Variants in AKNA observed in about 807,000 individuals in gnomAD.
The protein encoded by AKNA is AT-hook transcription factor, also known as microtubule organization protein AKNA.
AKNA carries 67 observed loss-of-function variants against 138.8 expected under a neutral mutation model. That is an observed-to-expected ratio of 0.48 (90% CI 0.40 to 0.59). The LOEUF (loss-of-function observed/expected upper bound fraction) is 0.59, where lower values mean the gene tolerates loss of function less well. AKNA is among the 20% of genes least tolerant of loss of function. AKNA has a pLI of 0.00. For missense variants in AKNA, 1,813 were observed against 1,880.4 expected (o/e 0.96, Z 0.66); for synonymous variants, 737 against 754.4 (o/e 0.98, Z 0.38).
intron 1 of AKNA, among the ~76,000 whole-genome samples, chr9:114,386,629 C>G (rs1589039933): frequency 6.6e-6 from 1 of 152,152 alleles, no homozygotes; most frequent in African/African-American, 2.4e-5. Context: ...AAGGAAGTAG[C>G]AGCCACTGCA....
intron 14 of AKNA, among the ~76,000 whole-genome samples, chr9:114,354,325 C>T (rs1210233697): frequency 1.3e-5 from 2 of 152,142 alleles, no homozygotes; most frequent in Non-Finnish European, 2.9e-5. Context: ...ACCTCCACAT[C>T]TTGTTCTTCT....
chr9:114,355,871 CTA>C, intron 14 of AKNA, 52 bp downstream of exon 14: 1 of 1,556,532 alleles, frequency 6.4e-7, no homozygotes, highest in Non-Finnish European at 8.8e-7. Context: ...GCAAGTTTTT[CTA>C]TTTGATTTTT....
chr9:114,376,806 T>C lies in AKNA; in HGVS notation c.1001A>G (p.Gln334Arg), dbSNP rs1589018737. Residue 334 changes from glutamine (Q) to arginine (R), a missense_variant, in exon 3 of 22, where the codon CAG (glutamine) becomes CGG (arginine). Gln to Arg is a conservative substitution (Grantham distance 43). Coordinates refer to ENST00000374088, the MANE Select transcript of AKNA (RefSeq NM_001317950.2). ...PTRQGRPLPR[Q>R]GATLAGRSSS... ...GGAGCGGCCAGCCAGAGTGGCTCCC[T>C]GTCTGGGCAGCGGCCTGCCCTGCCG... The C allele has an allele frequency of 3.1e-6, 5 of 1,612,086 alleles. No individual in the cohort carries two copies. Among genetic ancestry groups the C allele is most frequent in the Non-Finnish European group, 4.2e-6 (5 of 1,178,938 alleles).
At chr9:114,368,393 C>T (rs1414951312) in intron 5 of AKNA, 46 bp downstream of exon 5, 1 of 1,309,924 alleles carries the variant, frequency 7.6e-7, no homozygotes, top group Admixed American at 3.1e-5. Context: ...AGAGCAGAAT[C>T]CCAGGCAGAA....
At position 114,341,621 on chromosome 9, in the gene AKNA, A is replaced by G. The variant is rs1207571123; in HGVS notation, c.3979T>C (p.Tyr1327His). 1 of 1,613,474 alleles carries G rather than the reference A, an allele frequency of 6.2e-7. No individual in the cohort carries two copies. Among genetic ancestry groups the G allele is most frequent in the Non-Finnish European group, 8.5e-7 (1 of 1,179,792 alleles). ...SSPRPPPGLWYLATAPPAPAP... is the reference protein window; with the variant it reads ...SSPRPPPGLWHLATAPPAPAP... ...GGTGCTGGGGGCGCTGTTGCCAGAT[A>G]CCACAGTCCGGGGGGTGGGCGTGGC... The change falls in exon 21 of 22, where the codon TAT becomes CAT. Residue 1327 changes from tyrosine to histidine, a missense_variant. Coordinates refer to ENST00000374088, the MANE Select transcript of AKNA (RefSeq NM_001317950.2).
chr9:114,391,786 G>A (rs1418483603), upstream of AKNA, among the ~76,000 whole-genome samples: 4 of 149,346 alleles, frequency 2.7e-5, no homozygotes, highest in Non-Finnish European at 4.4e-5. Context: ...CCTGGGAGGC[G>A]GAGGTTGCAG....
Position 114,393,003 on chromosome 9 carries a change from C to T in AKNA, c.-114+1354G>A, listed in dbSNP as rs1249993538. On this transcript the variant is annotated intron_variant, in intron 1 of 21. Coordinates refer to the AKNA transcript ENST00000307564. ...TGCTCTTTTCAAAGAGTCAAACAAA[C>T]CGTGCACGTGCCAGGAAGGGACTGC... Among the ~76,000 whole-genome samples the T allele has an allele frequency of 2.0e-5, 3 of 152,158 alleles. No individual in the cohort carries two copies. In the East Asian group the frequency reaches 5.8e-4, roughly 29 times the overall value.
In AKNA at chr9:114,345,859, C is replaced by T; in HGVS notation, c.3661+4G>A. 1 of 1,613,964 alleles carries T rather than the reference C, an allele frequency of 6.2e-7. No individual in the cohort carries two copies. The highest frequency in any genetic ancestry group is 8.5e-7 in the Non-Finnish European group (1 of 1,179,874). On this transcript the variant is annotated splice_donor_region_variant and intron_variant, in intron 18 of 21. Transcript: ENST00000374088. ...ACCCATCCCGGCCCTCCCTCCTGAC[C>T]TACCTGTGTATTGGCCCCGGAAGGT... is the stretch of plus-strand genomic sequence containing the variant.
chr9:114,376,235 C>T, intron 3 of AKNA: 1 of 393,250 alleles, frequency 2.5e-6, no homozygotes, highest in Non-Finnish European at 4.9e-6. Flanking sequence ...CCACCCCAGG[C>T]CTCCCCACCC....
intron 20 of AKNA, 25 bp downstream of exon 20, chr9:114,341,982 AAG>A: frequency 6.3e-7 from 1 of 1,587,694 alleles, no homozygotes; most frequent in Non-Finnish European, 8.7e-7. Context: ...GGGTCTGGCT[AAG>A]AGAAGAAACA....
intron 11 of AKNA, among the ~76,000 whole-genome samples, chr9:114,358,598 T>C (rs1170754401): frequency 6.8e-6 from 1 of 147,132 alleles, no homozygotes; most frequent in Non-Finnish European, 1.5e-5. Flanking sequence ...TATTATCATA[T>C]ACTAGATAGA....
At position 114,377,450 on chromosome 9, in the gene AKNA, G is replaced by A. The variant is rs780400059; in HGVS notation, c.357C>T (p.Asp119=). The A allele has an allele frequency of 3.7e-6, 6 of 1,613,436 alleles. No individual in the cohort carries two copies. The highest frequency in any genetic ancestry group is 5.1e-6 in the Non-Finnish European group (6 of 1,179,962). Residue 119 remains aspartate, a synonymous_variant, in exon 3 of 22, where the codon GAC becomes GAT. Transcript: ENST00000374088. ...AWLPQQGRQL[D]MTEEEPDGTL... is the part of the protein sequence containing the mutation. ...TCCCATCTGGCTCCTCTTCAGTCAT[G>A]TCCAGCTGACGGCCCTGCTGGGGGA... is the stretch of plus-strand genomic sequence containing the variant.
intron 6 of AKNA, among the ~76,000 whole-genome samples, chr9:114,365,725 A>T (rs1832298064): frequency 6.6e-6 from 1 of 152,076 alleles, no homozygotes; most frequent in Admixed American, 6.5e-5. Flanking sequence ...AATCAATACT[A>T]AAAAAATAGG....
In AKNA at chr9:114,347,715, G is replaced by A; in HGVS notation, c.3398+9C>T. On this transcript the variant is annotated intron_variant, in intron 16 of 21. Transcript: ENST00000374088. ...CCAGGACAGAGGTGGGAGTTTTGAG[G>A]TCACCCACCTGCCATAATGGGAGCC... 6.6e-7 allele frequency: 1 copy of A among 1,515,458 alleles called. No individual in the cohort carries two copies. Among genetic ancestry groups the A allele is most frequent in the Non-Finnish European group, 8.8e-7 (1 of 1,130,634 alleles). 93.9% of individuals were successfully genotyped at this position (1,515,458 alleles called of 1,614,324 possible).
At chr9:114,347,975 G>A in intron 15 of AKNA, 75 bp from the exon 16 acceptor site, 1 of 1,489,262 alleles carries the variant, frequency 6.7e-7, no homozygotes, top group East Asian at 2.5e-5. Context: ...AGTATGCCAG[G>A]ATGCGGCAGC....
intron 1 of AKNA, among the ~76,000 whole-genome samples, chr9:114,383,409 C>A (rs1477313236): frequency 6.6e-6 from 1 of 152,200 alleles, no homozygotes; most frequent in South Asian, 2.1e-4. Flanking sequence ...CCAGAGTGGG[C>A]ACGGTCCCCC....
In AKNA at chr9:114,357,993, G is replaced by C. The variant is rs756354272; in HGVS notation, c.2667C>G (p.Ser889Arg). Residue 889 changes from serine to arginine, a missense_variant, in exon 12 of 22, where the codon AGC (serine) becomes AGG (arginine). Ser to Arg is a moderately radical substitution (Grantham distance 110). Transcript: ENST00000374088. ...SAASHQSSMT[S>R]LEGSGISERL... is the part of the protein sequence containing the mutation. ...GCTCAGAGATGCCGCTTCCCTCCAG[G>C]CTGGTCATACTACTTTGGTGGGATG... is the stretch of plus-strand genomic sequence containing the variant. The C allele has an allele frequency of 1.9e-6, 3 of 1,607,094 alleles. No individual in the cohort carries two copies. Among genetic ancestry groups the C allele is most frequent in the Non-Finnish European group, 2.6e-6 (3 of 1,176,140 alleles).
intron 11 of AKNA, 60 bp downstream of exon 11, chr9:114,359,534 A>T: frequency 6.2e-7 from 1 of 1,613,110 alleles, no homozygotes; most frequent in South Asian, 1.1e-5. Flanking sequence ...TCTGACAGTG[A>T]TCATCCCTGT....
intron 4 of AKNA, among the ~76,000 whole-genome samples, chr9:114,369,666 T>TAGCATCACCATC (rs369004929): frequency 6.6e-6 from 1 of 151,708 alleles, no homozygotes; most frequent in Non-Finnish European, 1.5e-5. Context: ...CTACCATCAT[T>TAGCATCACCATC]AGCATCACCA....
Sources: allele counts gnomAD v4.1 joint callset (sites outside exome capture counted in the v4.1 genomes callset), GRCh38; gene constraint gnomAD v4.1.1; transcripts MANE v1.5; gene names NCBI Gene and HGNC (gene_info 2026-07-23, HGNC 2026-07-21).